PARD3: variants seen among roughly 807,000 people sequenced by gnomAD.
PARD3 encodes partitioning defective 3 homolog.
Under a neutral mutation model 155.4 loss-of-function variants are expected in PARD3, and 75 were observed. That is an observed-to-expected ratio of 0.48 (90% CI 0.40 to 0.58). The LOEUF (loss-of-function observed/expected upper bound fraction) is 0.58. Among genes scored for constraint, PARD3 ranks in the 20% least tolerant of loss-of-function variants. The pLI, the probability that PARD3 is intolerant of heterozygous loss-of-function variation, is 0.00. For missense variants in PARD3, 1,642 were observed against 1,721.7 expected (o/e 0.95, Z 0.82); for synonymous variants, 576 against 610.5 (o/e 0.94, Z 0.83).
At chr10:34,431,999 G>A (rs1398877021) in intron 5 of PARD3, among the ~76,000 whole-genome samples, 14 of 109,750 alleles carry the variant, frequency 1.3e-4, no homozygotes, top group African/African-American at 2.9e-4. Context: ...CCGAGATCAC[G>A]CCACTGCACT....
chr10:34,317,694 T>G (rs1958095105), intron 19 of PARD3, among the ~76,000 whole-genome samples: 1 of 152,142 alleles, frequency 6.6e-6, no homozygotes, highest in Admixed American at 6.5e-5. Flanking sequence ...TGTACTATAT[T>G]TGCAAGATGA....
intron 5 of PARD3, among the ~76,000 whole-genome samples, chr10:34,426,532 T>C (rs994155790): frequency 6.6e-6 from 1 of 152,186 alleles, no homozygotes; most frequent in Non-Finnish European, 1.5e-5. Context: ...AAAAGTAAGA[T>C]AGGCAACTTA....
chr10:34,606,638 CAAAAAAAAA>C (rs398013195), intron 2 of PARD3, among the ~76,000 whole-genome samples: 39 of 79,636 alleles, frequency 4.9e-4, no homozygotes, highest in Non-Finnish European at 6.8e-4. Flanking sequence ...CCCGTGTCTT[CAAAAAAAAA>C]AAAAAAAAAA....
In PARD3 at chr10:34,692,613, G is replaced by A. The variant is rs375306928; in HGVS notation, c.222+3705C>T. 3.4e-4 allele frequency among the ~76,000 whole-genome samples: 52 copies of A among 152,290 alleles called. No homozygotes were observed. The East Asian group carries it at 7.9e-3, about 23-fold the overall frequency. The stretch of plus-strand genomic sequence containing the variant: ...AAAGAGGCCAGGCGTGGTGGCTTAC[G>A]CCTGTAATCCTAGCACTTTGGGAGG... On this transcript the variant is annotated intron_variant, in intron 2 of 24. Coordinates refer to ENST00000374788, the MANE Select transcript of PARD3 (RefSeq NM_001184785.2).
chr10:34,443,547 A>AG (rs1393935079), intron 5 of PARD3, among the ~76,000 whole-genome samples: 1 of 152,172 alleles, frequency 6.6e-6, no homozygotes, highest in Non-Finnish European at 1.5e-5. Context: ...GGATGGCGGC[A>AG]GGCAAAGAAA....
chr10:34,809,706 G>C (rs770367159), intron 1 of PARD3, among the ~76,000 whole-genome samples: 1 of 152,144 alleles, frequency 6.6e-6, no homozygotes. Context: ...TGGAGAACGC[G>C]GGACAAAGGC....
intron 14 of PARD3, among the ~76,000 whole-genome samples, chr10:34,349,239 A>C (rs1468892484): frequency 6.6e-6 from 1 of 152,188 alleles, no homozygotes; most frequent in Non-Finnish European, 1.5e-5. Flanking sequence ...TCATCTGTTT[A>C]ATATAAATGA....
chr10:34,784,690 G>A (rs1341568408), intron 1 of PARD3, among the ~76,000 whole-genome samples: 5 of 152,216 alleles, frequency 3.3e-5, no homozygotes, highest in Admixed American at 3.3e-4. Context: ...GCCCGCCTCA[G>A]CCTCCTAAAG....
intron 2 of PARD3, among the ~76,000 whole-genome samples, chr10:34,632,771 T>C (rs1290636044): frequency 1.3e-5 from 2 of 152,226 alleles, no homozygotes; most frequent in African/African-American, 2.4e-5. Context: ...CAGCAAGTCT[T>C]ACCTTCATCA....
chr10:34,582,430 C>A (rs1026863687), intron 2 of PARD3, among the ~76,000 whole-genome samples: 6 of 152,214 alleles, frequency 3.9e-5, no homozygotes, highest in Non-Finnish European at 8.8e-5. Flanking sequence ...GTTAGGATAA[C>A]TGGTTAGAAA....
intron 1 of PARD3, among the ~76,000 whole-genome samples, chr10:34,787,610 C>T (rs1841133365): frequency 6.6e-6 from 1 of 151,918 alleles, no homozygotes; most frequent in South Asian, 2.1e-4. Flanking sequence ...TTTTATATCT[C>T]GTTAAAGATG....
At chr10:34,389,827 TTAA>T (rs1336379671) in intron 7 of PARD3, among the ~76,000 whole-genome samples, 5 of 152,186 alleles carry the variant, frequency 3.3e-5, no homozygotes, top group Non-Finnish European at 2.9e-5. Context: ...ACTTTAAATC[TTAA>T]TTTTTTTTTT....
At chr10:34,586,737 T>C (rs957162118) in intron 2 of PARD3, among the ~76,000 whole-genome samples, 5 of 152,118 alleles carry the variant, frequency 3.3e-5, no homozygotes, top group African/African-American at 9.7e-5. Context: ...CACCTGAGGT[T>C]AGGAGTTTGA....
At chr10:34,561,526 TA>T (rs1161640651) in intron 2 of PARD3, among the ~76,000 whole-genome samples, 3 of 151,748 alleles carry the variant, frequency 2.0e-5, no homozygotes, top group Non-Finnish European at 4.4e-5. Context: ...TTAATTTATT[TA>T]TTTTTTTTTG....
At chr10:34,682,292 G>A (rs372129701) in intron 2 of PARD3, among the ~76,000 whole-genome samples, 11 of 152,112 alleles carry the variant, frequency 7.2e-5, no homozygotes, top group African/African-American at 1.2e-4. Flanking sequence ...GGTAGTGCAC[G>A]CCTGTAATCC....
chr10:34,351,607 A>G (rs987726887), intron 14 of PARD3, among the ~76,000 whole-genome samples: 1 of 152,260 alleles, frequency 6.6e-6, no homozygotes. Flanking sequence ...TTTCCTTCAC[A>G]TCCCCATGAG....
chr10:34,347,932 A>C, intron 15 of PARD3, 33 bp downstream of exon 15: 1 of 1,573,716 alleles, frequency 6.4e-7, no homozygotes, highest in Non-Finnish European at 8.7e-7. Flanking sequence ...GCATCAAAAT[A>C]AGATGTGATA....
intron 2 of PARD3, among the ~76,000 whole-genome samples, chr10:34,565,539 T>C (rs2085863102): frequency 6.6e-6 from 1 of 152,100 alleles, no homozygotes; most frequent in African/African-American, 2.4e-5. Context: ...GTGCTGGGAT[T>C]AGAGATGTGA....
At chr10:34,750,775 G>A (rs774978454) in intron 1 of PARD3, among the ~76,000 whole-genome samples, 3 of 148,664 alleles carry the variant, frequency 2.0e-5, no homozygotes, top group Non-Finnish European at 3.0e-5. Flanking sequence ...TGCAACCTCC[G>A]CCCCCCGGGT....
Sources: gnomAD v4.1 joint callset for allele counts (sites outside exome capture counted in the v4.1 genomes callset) on GRCh38, gnomAD v4.1.1 for gene constraint, MANE v1.5 for transcripts, NCBI Gene and HGNC (gene_info 2026-07-23, HGNC 2026-07-21) for gene names.